STAMBP: variants seen among roughly 807,000 people sequenced by gnomAD.
STAMBP encodes STAM-binding protein.
A neutral mutation model predicts 50.7 loss-of-function variants in STAMBP; 31 were observed. The ratio of observed to expected loss-of-function variants is 0.61; its 90% CI spans 0.46 to 0.83. The LOEUF (loss-of-function observed/expected upper bound fraction) is 0.83, where lower values mean the gene tolerates loss of function less well. Ranked by LOEUF, STAMBP falls within the 40% of genes least tolerant of loss-of-function variation. The pLI is 0.00. For synonymous variants in STAMBP, 211 were observed against 192.4 expected, an observed-to-expected ratio of 1.10 and a Z score of -0.80; for missense variants, 472 against 518.9, an observed-to-expected ratio of 0.91 and a Z score of 0.88.
Position 73,847,621 on chromosome 2 carries a change from T to C in STAMBP, c.610T>C (p.Ser204Pro), listed in dbSNP as rs1210934588. ...GPLVPDLEKP[S>P]LDVFPTLTVS... ...GCTAGTGCCTGACTTGGAGAAGCCC[T>C]CCTTAGATGTGTTCCCCACCTTAAC... The change falls in exon 5 of 10, where the codon TCC (serine) becomes CCC (proline). Residue 204 changes from serine to proline, a missense_variant. Transcript: ENST00000394070. 1 of 1,614,046 alleles carries C rather than the reference T, an allele frequency of 6.2e-7. No individual in the cohort carries two copies. The highest frequency in any genetic ancestry group is 8.5e-7 in the Non-Finnish European group (1 of 1,180,028).
chr2:73,853,109 G>A (rs1677080713), intron 7 of STAMBP, among the ~76,000 whole-genome samples: 2 of 152,072 alleles, frequency 1.3e-5, no homozygotes, highest in Non-Finnish European at 2.9e-5. Context: ...ACATCCTATG[G>A]AGAGCTCCAG....
chr2:73,847,020 T>C (rs1676178791), intron 4 of STAMBP, among the ~76,000 whole-genome samples: 1 of 148,504 alleles, frequency 6.7e-6, no homozygotes, highest in African/African-American at 2.5e-5. Flanking sequence ...AGGTCAAGGC[T>C]GCAGTGAGCT....
intron 4 of STAMBP, 102 bp downstream of exon 4, chr2:73,845,364 G>C: frequency 1.2e-6 from 1 of 829,538 alleles, no homozygotes; most frequent in Non-Finnish European, 1.9e-6. Flanking sequence ...TTAATGTGCT[G>C]TTTCACCTTT....
chr2:73,836,188 C>A (rs1399741578), intron 2 of STAMBP, among the ~76,000 whole-genome samples: 1 of 152,246 alleles, frequency 6.6e-6, no homozygotes, highest in African/African-American at 2.4e-5. Context: ...TACATTCTTT[C>A]CACACATCCC....
intron 6 of STAMBP, 117 bp downstream of exon 6, chr2:73,849,604 C>A (rs1676555107): frequency 1.5e-6 from 2 of 1,296,474 alleles, no homozygotes; most frequent in South Asian, 1.5e-5. Flanking sequence ...TACCAAGGAA[C>A]CGTGGACTGC....
intron 2 of STAMBP, among the ~76,000 whole-genome samples, chr2:73,837,015 A>G (rs1275578114): frequency 2.0e-5 from 3 of 152,224 alleles, no homozygotes; most frequent in African/African-American, 7.2e-5. Flanking sequence ...ATTCATTGAT[A>G]GAATTCAGGG....
intron 7 of STAMBP, among the ~76,000 whole-genome samples, chr2:73,853,452 G>A (rs1038426494): frequency 2.6e-5 from 4 of 152,294 alleles, no homozygotes; most frequent in African/African-American, 4.8e-5. Context: ...GGCCGGGTGC[G>A]GTGGCTCAAG....
At chr2:73,870,699 C>T (rs1163246213), downstream of STAMBP, among the ~76,000 whole-genome samples, 4 of 152,172 alleles carry the variant, frequency 2.6e-5, no homozygotes, top group Non-Finnish European at 4.4e-5. Context: ...TGGTTAGCTT[C>T]CCTATCCCCA....
chr2:73,851,417 G>T (rs1400272875), intron 7 of STAMBP, among the ~76,000 whole-genome samples: 1 of 152,168 alleles, frequency 6.6e-6, no homozygotes, highest in Non-Finnish European at 1.5e-5. Flanking sequence ...TTCACCTGGG[G>T]CAGAACGTGC....
rs1673518047 is a variant in STAMBP, at chr2:73,828,984, TC to T, written c.-537del. The T allele has an allele frequency of 6.6e-6, 1 of 152,292 alleles. No individual in the cohort carries two copies. Among genetic ancestry groups the T allele is most frequent in the Non-Finnish European group, 1.5e-5 (1 of 68,150 alleles). 9.4% of individuals were successfully genotyped at this position (152,292 alleles called of 1,614,324 possible). A position where few individuals can be genotyped will look rare whatever the true frequency, so the allele number is the denominator to read the frequency against. On this transcript the variant is annotated 5_prime_UTR_variant, in exon 1 of 10. Transcript: ENST00000394070. ...ACGTTTCCGGAACCTCCGGGTGTCA[TC>T]CGCGGGGAAAGGTGGGGAAGGGTCC...
chr2:73,846,451 A>T (rs558589409), intron 4 of STAMBP, among the ~76,000 whole-genome samples: 1 of 151,778 alleles, frequency 6.6e-6, no homozygotes, highest in South Asian at 2.1e-4. Context: ...AAATACAAAA[A>T]TTAGCTGGGT....
downstream of STAMBP, among the ~76,000 whole-genome samples, chr2:73,870,902 C>T (rs75980221): frequency 1.1e-3 from 164 of 152,218 alleles, no homozygotes; most frequent in African/African-American, 3.9e-3. Context: ...TAGTATACAC[C>T]TTTCCCATGT....
chr2:73,864,430 G>C lies in STAMBP; in HGVS notation c.*2171G>C, dbSNP rs1323946092. ...TCTGCTGCAGCCTAGCCACTGCAGA[G>C]GCACTCTGCATAGGATGGTCTAAGT... On this transcript the variant is annotated 3_prime_UTR_variant, in exon 10 of 10. Transcript: ENST00000394070. 6.6e-6 allele frequency: 1 copy of C among 152,206 alleles called. No individual in the cohort carries two copies. The highest frequency in any genetic ancestry group is 1.5e-5 in the Non-Finnish European group (1 of 68,050). The allele number at this position is 152,206 out of a possible 1,614,324, so 9.4% of individuals were successfully genotyped here. A position where few individuals can be genotyped will look rare whatever the true frequency, so the allele number is the denominator to read the frequency against.
chr2:73,856,763 AC>A (rs917189736), intron 7 of STAMBP, among the ~76,000 whole-genome samples: 1 of 150,966 alleles, frequency 6.6e-6, no homozygotes, highest in Admixed American at 6.6e-5. Context: ...TCAACAAACA[AC>A]CCCCTCTTCT....
chr2:73,862,377 C>A lies in STAMBP; in HGVS notation c.*118C>A. ...TTGTAGATAGTAGAAAGGGGGGCAT[C>A]ACCTGAGAAAGAGCTGATTTTGTAT... On this transcript the variant is annotated 3_prime_UTR_variant, in exon 10 of 10. Coordinates refer to ENST00000394070, the MANE Select transcript of STAMBP (RefSeq NM_213622.4). The A allele has an allele frequency of 1.4e-6, 1 of 709,674 alleles. No homozygotes were observed. Among genetic ancestry groups the A allele is most frequent in the Non-Finnish European group, 2.1e-6 (1 of 470,888 alleles). 44.0% of individuals were successfully genotyped at this position (709,674 alleles called of 1,614,324 possible). A position where few individuals can be genotyped will look rare whatever the true frequency, so the allele number is the denominator to read the frequency against.
chr2:73,834,668 A>G (rs558347252), intron 2 of STAMBP, among the ~76,000 whole-genome samples: 25 of 152,232 alleles, frequency 1.6e-4, no homozygotes, highest in Middle Eastern at 3.4e-3. Context: ...GAAATAAGGA[A>G]AATACTTAAG....
At chr2:73,870,418 A>G (rs747604379), downstream of STAMBP, 1 of 152,236 alleles carries the variant, frequency 6.6e-6, no homozygotes, top group Non-Finnish European at 1.5e-5. Context: ...CAGCATGAAG[A>G]AGTCCTGGGT....
At position 73,850,449 on chromosome 2, in the gene STAMBP, A is replaced by G. The variant is rs750757965; in HGVS notation, c.941A>G (p.Glu314Gly). 1 of 1,613,948 alleles carries G rather than the reference A, an allele frequency of 6.2e-7. No homozygotes were observed. Among genetic ancestry groups the G allele is most frequent in the South Asian group, 1.1e-5 (1 of 90,974 alleles). The change falls in exon 7 of 10, where the codon GAG becomes GGG. Residue 314 changes from glutamate to glycine, a missense_variant. Glu to Gly is a moderately conservative substitution (Grantham distance 98, BLOSUM62 -2). Transcript: ENST00000394070. The surrounding 1 kb of genome is among the most constrained non-coding windows in gnomAD (Gnocchi z 4.3). ...QSAGSDYCNT[E>G]NEEELFLIQD... Reference sequence around the variant, plus strand: ...GCTGGGTCTGATTACTGCAACACAGAGAACGAAGAAGAACTTTTCCTCATA... The same window carrying G: ...GCTGGGTCTGATTACTGCAACACAGGGAACGAAGAAGAACTTTTCCTCATA...
chr2:73,833,801 C>G (rs1047391903), intron 2 of STAMBP, among the ~76,000 whole-genome samples: 1 of 152,150 alleles, frequency 6.6e-6, no homozygotes, highest in Non-Finnish European at 1.5e-5. Context: ...AAAATGGCCC[C>G]TGTCCTTATT....
Sources: allele counts gnomAD v4.1 joint callset (sites outside exome capture counted in the v4.1 genomes callset), GRCh38; gene constraint gnomAD v4.1.1; non-coding constraint Gnocchi (gnomAD v3.1); transcripts MANE v1.5; gene names NCBI Gene and HGNC (gene_info 2026-07-23, HGNC 2026-07-21).